Variants in SLC25A53 observed in about 807,000 individuals in gnomAD.
SLC25A53 encodes solute carrier family 25 member 53.
Under a neutral mutation model 15.0 loss-of-function variants are expected in SLC25A53, and 5 were observed. The observed-to-expected ratio is 0.33, with a 90% CI of 0.17 to 0.70. The LOEUF is 0.70. Among genes scored for constraint, SLC25A53 ranks in the 30% least tolerant of loss-of-function variants. The pLI is 0.67. For missense variants in SLC25A53, 216 were observed against 241.6 expected (o/e 0.89, Z 0.70); for synonymous variants, 95 against 100.0 (o/e 0.95, Z 0.30).
At chrX:104,105,396 C>T (rs1235710995) in intron 1 of SLC25A53, 108 bp from the exon 2 acceptor site, 10 of 485,446 alleles carry the variant, frequency 2.1e-5, no homozygotes, top group Non-Finnish European at 3.0e-5. Context: ...TCGACGGAAA[C>T]AAGCAACTCT....
At chrX:104,152,767 A>G (rs917589550) in intron 1 of SLC25A53, among the ~76,000 whole-genome samples, 2 of 112,116 alleles carry the variant, frequency 1.8e-5, no homozygotes, top group Non-Finnish European at 3.8e-5. Context: ...CATCCAAGGC[A>G]CTGGCCATTC....
chrX:104,125,042 G>T (rs541417015), intron 1 of SLC25A53, among the ~76,000 whole-genome samples: 1 of 107,564 alleles, frequency 9.3e-6, no homozygotes, highest in African/African-American at 3.4e-5. Flanking sequence ...ATGGGGTTTC[G>T]CCATGTTGGC....
In SLC25A53 at chrX:104,104,424, T is replaced by C. The variant is rs781793705; in HGVS notation, c.834A>G (p.Leu278=). 3 of 1,211,546 alleles carry C rather than the reference T, an allele frequency of 2.5e-6. No individual in the cohort carries two copies. In the East Asian group the frequency reaches 8.9e-5, roughly 36 times the overall value. The change falls in exon 2 of 2, where the codon CTA becomes CTG. Residue 278 remains leucine (L), a synonymous_variant. Coordinates refer to ENST00000594199, the MANE Select transcript of SLC25A53 (RefSeq NM_001012755.5). ...TGAGGCCCCATGTCACACTGGACCT[T>C]AGGATGACTAGGGAGCCTCCACGGT... ...LIYRGGSLVI[L]RSSVTWGLTT... is the part of the protein sequence containing the mutation.
chrX:104,111,522 A>T (rs1428051869), intron 1 of SLC25A53, among the ~76,000 whole-genome samples: 1 of 111,366 alleles, frequency 9.0e-6, no homozygotes, highest in Non-Finnish European at 1.9e-5. Context: ...AAAGATTAAT[A>T]AAAAAAATGA....
intron 1 of SLC25A53, among the ~76,000 whole-genome samples, chrX:104,108,876 T>C (rs2075325131): frequency 8.9e-6 from 1 of 112,181 alleles, no homozygotes; most frequent in Non-Finnish European, 1.9e-5. Context: ...TAAACCACCA[T>C]AGAGCTAGAG....
At chrX:104,123,845 T>TAA (rs1448694161) in intron 1 of SLC25A53, among the ~76,000 whole-genome samples, 4 of 111,367 alleles carry the variant, frequency 3.6e-5, no homozygotes, top group Admixed American at 2.9e-4. Flanking sequence ...AGTTTGCTGA[T>TAA]AACAATGGTT....
chrX:104,138,670 T>C (rs2075443181), intron 1 of SLC25A53, among the ~76,000 whole-genome samples: 1 of 112,222 alleles, frequency 8.9e-6, no homozygotes, highest in Non-Finnish European at 1.9e-5. Context: ...GCTTGGAGAA[T>C]GAGTTCAAGA....
chrX:104,141,926 C>T (rs2075451705), intron 1 of SLC25A53, among the ~76,000 whole-genome samples: 1 of 111,908 alleles, frequency 8.9e-6, no homozygotes, highest in Non-Finnish European at 1.9e-5. Flanking sequence ...GAATAGGTTA[C>T]CCAGCAAAAA....
intron 1 of SLC25A53, among the ~76,000 whole-genome samples, chrX:104,106,969 C>T (rs2075314135): frequency 9.4e-6 from 1 of 105,854 alleles, no homozygotes; most frequent in Non-Finnish European, 2.0e-5. Context: ...ATTCTATACC[C>T]CCTGCTCCAT....
In SLC25A53 at chrX:104,104,616, G is replaced by C. The variant is rs1556354749; in HGVS notation, c.642C>G (p.Ala214=). 1 of 1,210,014 alleles carries C rather than the reference G, an allele frequency of 8.3e-7. No homozygotes were observed. The highest frequency in any genetic ancestry group is 2.2e-5 in the Admixed American group (1 of 45,831). Reference sequence around the variant, plus strand: ...TTCCATTGACACTACCAGACACCAAGGCAGGAACCCAGTGGGGCAGGCCTT... The same window carrying C: ...TTCCATTGACACTACCAGACACCAACGCAGGAACCCAGTGGGGCAGGCCTT... ...AEQGLPHWVP[A]LVSGSVNGTI... Residue 214 remains alanine, a synonymous_variant, in exon 2 of 2, where the codon GCC becomes GCG. Coordinates refer to ENST00000594199, the MANE Select transcript of SLC25A53 (RefSeq NM_001012755.5).
rs1463849032 is a variant in SLC25A53 at position 104,100,837 on chromosome X, T to A, written c.*3497A>T. On this transcript the variant is annotated 3_prime_UTR_variant, in exon 2 of 2. Coordinates refer to ENST00000594199, the MANE Select transcript of SLC25A53 (RefSeq NM_001012755.5). ...AGCACAGAATATTTCCATGTCCAGA[T>A]GTGTGGAGTTTTCCCACACACTAAG... is the stretch of plus-strand genomic sequence containing the variant. 1.8e-5 allele frequency: 2 copies of A among 112,227 alleles called. No homozygotes were observed. The highest frequency in any genetic ancestry group is 6.5e-5 in the African/African-American group (2 of 30,879). 9.2% of individuals were successfully genotyped at this position (112,227 alleles called of 1,213,427 possible). A position where few individuals can be genotyped will look rare whatever the true frequency, so the allele number is the denominator to read the frequency against.
At chrX:104,144,239 A>G (rs1318355179) in intron 1 of SLC25A53, among the ~76,000 whole-genome samples, 1 of 112,127 alleles carries the variant, frequency 8.9e-6, no homozygotes, top group Non-Finnish European at 1.9e-5. Context: ...GATAAAATTC[A>G]CATATAACAA....
chrX:104,140,154 ACT>A (rs1268134047), intron 1 of SLC25A53, among the ~76,000 whole-genome samples: 1 of 111,074 alleles, frequency 9.0e-6, no homozygotes, highest in Non-Finnish European at 1.9e-5. Flanking sequence ...ACAGAGTCTC[ACT>A]CTGTTCCCCA....
Position 104,156,953 on chromosome X carries a change from T to A in SLC25A53, c.-107A>T, listed in dbSNP as rs782565533. On this transcript the variant is annotated 5_prime_UTR_variant, in exon 1 of 2. Coordinates refer to ENST00000594199, the MANE Select transcript of SLC25A53 (RefSeq NM_001012755.5). Reference sequence around the variant, plus strand: ...CCTCAGAAAGCAGCGACAGTCGCAGTCACCGGACCTTCGCCCATCCGCCGC... The same window carrying A: ...CCTCAGAAAGCAGCGACAGTCGCAGACACCGGACCTTCGCCCATCCGCCGC... 7 of 111,814 alleles carry A rather than the reference T, an allele frequency of 6.3e-5. No homozygotes were observed. The highest frequency in any genetic ancestry group is 5.7e-4 in the Admixed American group (6 of 10,586). 9.2% of individuals were successfully genotyped at this position (111,814 alleles called of 1,213,427 possible). A position where few individuals can be genotyped will look rare whatever the true frequency, so the allele number is the denominator to read the frequency against.
intron 1 of SLC25A53, among the ~76,000 whole-genome samples, chrX:104,148,053 A>C (rs1382887854): frequency 1.8e-5 from 2 of 111,227 alleles, no homozygotes; most frequent in Non-Finnish European, 3.8e-5. Context: ...AACCAACCCA[A>C]ATGTCCAACA....
At chrX:104,130,375 G>A (rs1253230843) in intron 1 of SLC25A53, among the ~76,000 whole-genome samples, 1 of 111,448 alleles carries the variant, frequency 9.0e-6, no homozygotes, top group Non-Finnish European at 1.9e-5. Context: ...AAGGTAACTT[G>A]GATTCTGGTC....
At chrX:104,126,366 T>C (rs1481051060) in intron 1 of SLC25A53, among the ~76,000 whole-genome samples, 1 of 107,268 alleles carries the variant, frequency 9.3e-6, no homozygotes, top group Non-Finnish European at 1.9e-5. Context: ...AAATATTCCA[T>C]TAGAAGGCCT....
intron 1 of SLC25A53, among the ~76,000 whole-genome samples, chrX:104,122,320 T>G (rs2075397660): frequency 9.8e-6 from 1 of 102,177 alleles, no homozygotes; most frequent in African/African-American, 3.6e-5. Flanking sequence ...TTTTTTTGTT[T>G]TTTTTTTGAG....
chrX:104,140,322 CGTGTGT>C (rs55930796), intron 1 of SLC25A53, among the ~76,000 whole-genome samples: 120 of 100,918 alleles, frequency 1.2e-3, no homozygotes, highest in African/African-American at 3.9e-3. Context: ...GACAGGATTC[CGTGTGT>C]GTGTGTGTGT....
Sources: gnomAD v4.1 joint callset for allele counts (sites outside exome capture counted in the v4.1 genomes callset) on GRCh38, gnomAD v4.1.1 for gene constraint, MANE v1.5 for transcripts, NCBI Gene and HGNC (gene_info 2026-07-23, HGNC 2026-07-21) for gene names.